The following LOC728743 variants were observed in gnomAD, a reference collection of about 807,000 sequenced individuals.
chr7:150,407,618 G>C, the LOC728743 span: 1 of 398,866 alleles, frequency 2.5e-6, no homozygotes, highest in South Asian at 1.3e-4. Context: ...GCCCATGACC[G>C]AGCTGGCGTC....
the LOC728743 span, chr7:150,410,272 C>T: frequency 1.0e-5 from 4 of 398,490 alleles, no homozygotes; most frequent in Admixed American, 4.4e-5. Context: ...GGCATGAGGA[C>T]ACATCCAGTA....
At chr7:150,401,820 T>A in the LOC728743 span, among the ~76,000 whole-genome samples, 1 of 152,202 alleles carries the variant, frequency 6.6e-6, no homozygotes, top group Non-Finnish European at 1.5e-5. Context: ...GAACTGAACT[T>A]TATTCAATTT....
chr7:150,407,824 C>T, the LOC728743 span: 1 of 412,738 alleles, frequency 2.4e-6, no homozygotes, highest in Non-Finnish European at 4.3e-6. Context: ...TCGTGTGTCC[C>T]GAGTGCGGCA....
chr7:150,401,501 T>G, the LOC728743 span, among the ~76,000 whole-genome samples: 1 of 152,220 alleles, frequency 6.6e-6, no homozygotes, highest in African/African-American at 2.4e-5. Flanking sequence ...TAAAGAAATA[T>G]CTTTGACCTT....
the LOC728743 span, chr7:150,412,242 TAACTC>T: frequency 1.3e-5 from 2 of 152,310 alleles, no homozygotes; most frequent in Admixed American, 6.6e-5. Context: ...GTATGTGAGT[TAACTC>T]AAGGGTGCCT....
chr7:150,412,066 A>G, the LOC728743 span: 1 of 152,244 alleles, frequency 6.6e-6, no homozygotes, highest in Non-Finnish European at 1.5e-5. Context: ...CCCTAACTAG[A>G]CAGTTAGCTC....
At chr7:150,408,909 CTG>C in the LOC728743 span, among the ~76,000 whole-genome samples, 999 of 152,308 alleles carry the variant, frequency 6.6e-3, 15 homozygotes, top group African/African-American at 0.023. Context: ...GTGCCACTGA[CTG>C]TGCCGGGCTG....
At chr7:150,400,738 CCTT>C in the LOC728743 span, 7 of 152,224 alleles carry the variant, frequency 4.6e-5, no homozygotes, top group African/African-American at 1.4e-4. Context: ...GTGGTACTGT[CCTT>C]CTCACTTCTC....
chr7:150,407,258 T>G, the LOC728743 span, among the ~76,000 whole-genome samples: 1 of 152,088 alleles, frequency 6.6e-6, no homozygotes, highest in Non-Finnish European at 1.5e-5. Context: ...AGAGGTGGCA[T>G]GACTGACCCT....
chr7:150,410,937 A>C, the LOC728743 span: 1 of 152,316 alleles, frequency 6.6e-6, no homozygotes, highest in Non-Finnish European at 1.5e-5. Context: ...TCCCTTGTTC[A>C]GGAATAAAGA....
chr7:150,408,460 CCTT>C, the LOC728743 span: 1 of 335,442 alleles, frequency 3.0e-6, no homozygotes, highest in Admixed American at 4.9e-5. Flanking sequence ...CCATGGTTCT[CCTT>C]CTCTGGCCCA....
the LOC728743 span, among the ~76,000 whole-genome samples, chr7:150,404,288 A>C: frequency 6.6e-6 from 1 of 152,056 alleles, no homozygotes; most frequent in East Asian, 1.9e-4. Context: ...GCACGTTCTC[A>C]CTGGGGCCCA....
chr7:150,404,228 CT>C, the LOC728743 span, among the ~76,000 whole-genome samples: 3 of 152,154 alleles, frequency 2.0e-5, no homozygotes, highest in African/African-American at 7.2e-5. Context: ...TTTAAAATAA[CT>C]TTTCCTCTCA....
the LOC728743 span, among the ~76,000 whole-genome samples, chr7:150,401,164 T>G: frequency 6.6e-6 from 1 of 152,210 alleles, no homozygotes; most frequent in Non-Finnish European, 1.5e-5. Flanking sequence ...ACTGCCTGCA[T>G]CATCCTTGTA....
the LOC728743 span, chr7:150,408,236 C>T: frequency 7.7e-6 from 3 of 388,994 alleles, no homozygotes; most frequent in Non-Finnish European, 1.4e-5. Context: ...CGCCCGGGGC[C>T]TGCTGCCGAC....
the LOC728743 span, among the ~76,000 whole-genome samples, chr7:150,402,578 C>T: frequency 6.6e-6 from 1 of 152,218 alleles, no homozygotes; most frequent in Non-Finnish European, 1.5e-5. Flanking sequence ...TAGTCCCTGC[C>T]CTTTGAAGTT....
the LOC728743 span, among the ~76,000 whole-genome samples, chr7:150,401,599 G>C: frequency 6.6e-6 from 1 of 152,248 alleles, no homozygotes. Context: ...CAGTGAGAGA[G>C]GGAAATGAAT....
the LOC728743 span, chr7:150,411,757 C>T: frequency 7.9e-5 from 12 of 152,456 alleles, no homozygotes; most frequent in East Asian, 3.9e-4. Flanking sequence ...GATCCTTGGC[C>T]GACCTAGAGG....
chr7:150,409,113 G>A, the LOC728743 span, among the ~76,000 whole-genome samples: 3 of 134,720 alleles, frequency 2.2e-5, no homozygotes, highest in African/African-American at 5.4e-5. Flanking sequence ...GTTCTAGGAA[G>A]AGCAAGTGTG....
Sources: allele counts gnomAD v4.1 joint callset (sites outside exome capture counted in the v4.1 genomes callset), GRCh38; gene constraint gnomAD v4.1.1; transcripts MANE v1.5.